TRHDE: variants seen among roughly 807,000 people sequenced by gnomAD.
TRHDE encodes thyrotropin releasing hormone degrading enzyme, also known as thyrotropin-releasing hormone-degrading ectoenzyme.
TRHDE carries 72 observed loss-of-function variants against 125.7 expected under a neutral mutation model. The ratio of observed to expected loss-of-function variants is 0.57; its 90% CI spans 0.47 to 0.70. TRHDE has a LOEUF of 0.70. Among genes scored for constraint, TRHDE ranks in the 30% least tolerant of loss-of-function variants. The pLI, the probability that TRHDE is intolerant of heterozygous loss-of-function variation, is 0.00. For synonymous variants in TRHDE, 509 were observed against 509.1 expected (o/e 1.00, Z 0.00); for missense variants, 1,110 against 1,327.1 (o/e 0.84, Z 2.54).
intron 3 of TRHDE, among the ~76,000 whole-genome samples, chr12:72,462,782 T>C (rs1876185130): frequency 6.6e-6 from 1 of 152,186 alleles, no homozygotes; most frequent in Admixed American, 6.5e-5. Context: ...ATAGCCCCAA[T>C]TGCAGTCTCA....
At chr12:72,376,127 A>G (rs1565718627) in intron 2 of TRHDE, among the ~76,000 whole-genome samples, 1 of 152,166 alleles carries the variant, frequency 6.6e-6, no homozygotes, top group Non-Finnish European at 1.5e-5. Context: ...GTGCAAGAGT[A>G]TGGAAGTCTA....
chr12:72,621,640 C>T lies in TRHDE; in HGVS notation c.2568-4C>T, dbSNP rs1290006465. The T allele has an allele frequency of 1.9e-6, 3 of 1,597,224 alleles. No homozygotes were observed. Among genetic ancestry groups the T allele is most frequent in the Middle Eastern group, 1.7e-4 (1 of 5,970 alleles). On this transcript the variant is annotated splice_polypyrimidine_tract_variant and splice_region_variant and intron_variant, in intron 14 of 18. Coordinates refer to ENST00000261180, the MANE Select transcript of TRHDE (RefSeq NM_013381.3). ...TAATTTGTTTCCCTTTTGATGATAT[C>T]TAGAGAACTACGTAGAGAAGTTATA...
chr12:72,219,624 A>G (rs1877963264), intron 2 of TRHDE, among the ~76,000 whole-genome samples: 1 of 152,172 alleles, frequency 6.6e-6, no homozygotes, highest in East Asian at 1.9e-4. Context: ...GAAACTGCAT[A>G]GACAAAAACA....
At chr12:72,548,726 G>A (rs1869538238) in intron 7 of TRHDE, among the ~76,000 whole-genome samples, 1 of 151,300 alleles carries the variant, frequency 6.6e-6, no homozygotes, top group Admixed American at 6.6e-5. Context: ...ACATAAAATT[G>A]ATTGGCTAGG....
intron 2 of TRHDE, among the ~76,000 whole-genome samples, chr12:72,327,804 A>G (rs1412063631): frequency 2.2e-4 from 33 of 151,824 alleles, no homozygotes; most frequent in Admixed American, 2.2e-3. Context: ...ATTTGATTAC[A>G]TATCAGACTG....
chr12:72,635,224 G>C (rs2136091145), intron 15 of TRHDE, among the ~76,000 whole-genome samples: 1 of 152,148 alleles, frequency 6.6e-6, no homozygotes, highest in Non-Finnish European at 1.5e-5. Flanking sequence ...TCTCATTGTG[G>C]TTTTGATTTG....
rs201570407 is a variant in TRHDE, at chr12:72,272,893, C to A, written c.250C>A (p.Arg84=). The A allele has an allele frequency of 3.9e-5, 61 of 1,579,720 alleles. No homozygotes were observed. The East Asian group carries it at 1.3e-3, about 34-fold the overall frequency. Residue 84 remains arginine, a synonymous_variant, in exon 1 of 19, where the codon CGG becomes AGG. Coordinates refer to ENST00000261180, the MANE Select transcript of TRHDE (RefSeq NM_013381.3). The surrounding 1 kb of genome is among the most constrained non-coding windows in gnomAD (Gnocchi z 6.7). ...TTERHIAVHK[R]LVLAFAVSLV... ...GGAGCGCCACATCGCCGTACACAAG[C>A]GGCTTGTGCTGGCCTTCGCTGTGTC...
At chr12:72,545,571 G>A (rs1454804801) in intron 7 of TRHDE, among the ~76,000 whole-genome samples, 1 of 151,544 alleles carries the variant, frequency 6.6e-6, no homozygotes, top group African/African-American at 2.4e-5. Flanking sequence ...ATGCAAGAGT[G>A]AGTGACTCCC....
intron 2 of TRHDE, among the ~76,000 whole-genome samples, chr12:72,246,212 GAAAA>G (rs1383490595): frequency 6.6e-6 from 1 of 150,966 alleles, no homozygotes; most frequent in Non-Finnish European, 1.5e-5. Context: ...AGATAACAAT[GAAAA>G]AAAATTTCCC....
At chr12:72,602,268 G>A (rs192192409) in intron 12 of TRHDE, among the ~76,000 whole-genome samples, 30 of 152,052 alleles carry the variant, frequency 2.0e-4, no homozygotes, top group Non-Finnish European at 4.4e-4. Context: ...GTGAGAGGGA[G>A]AGAAAAAAAC....
chr12:72,575,627 T>A, intron 12 of TRHDE, 85 bp downstream of exon 12: 1 of 1,235,740 alleles, frequency 8.1e-7, no homozygotes, highest in Non-Finnish European at 1.2e-6. Context: ...ATATGTCTTT[T>A]ATTTAGGACA....
chr12:72,158,376 A>G (rs1000178521), intron 2 of TRHDE, among the ~76,000 whole-genome samples: 1 of 151,448 alleles, frequency 6.6e-6, no homozygotes, highest in African/African-American at 2.4e-5. Flanking sequence ...TCATATGTGT[A>G]TATATTATAT....
intron 1 of TRHDE, among the ~76,000 whole-genome samples, chr12:72,092,745 T>C (rs1874821978): frequency 6.6e-6 from 1 of 152,230 alleles, no homozygotes; most frequent in Non-Finnish European, 1.5e-5. Flanking sequence ...ATGCATGTAC[T>C]AAGAATGGGA....
chr12:72,190,439 T>G (rs1158061549), intron 2 of TRHDE, among the ~76,000 whole-genome samples: 1 of 152,208 alleles, frequency 6.6e-6, no homozygotes, highest in African/African-American at 2.4e-5. Context: ...AGGTGGAAAT[T>G]TGAATGGTAT....
At chr12:72,383,902 G>T (rs1872301920) in intron 3 of TRHDE, among the ~76,000 whole-genome samples, 1 of 152,020 alleles carries the variant, frequency 6.6e-6, no homozygotes. Flanking sequence ...TCAAAATATA[G>T]CTTGCCTTAT....
At chr12:72,389,342 T>C (rs1872544022) in intron 3 of TRHDE, among the ~76,000 whole-genome samples, 1 of 152,070 alleles carries the variant, frequency 6.6e-6, no homozygotes, top group Middle Eastern at 3.2e-3. Flanking sequence ...GAGGGTGAAA[T>C]GAAATCTTTG....
At chr12:72,235,292 C>T (rs935881801) in intron 2 of TRHDE, among the ~76,000 whole-genome samples, 5 of 151,942 alleles carry the variant, frequency 3.3e-5, no homozygotes, top group African/African-American at 9.7e-5. Context: ...TGCTATGTAC[C>T]GGCACTGTTC....
At chr12:72,498,059 A>G (rs1877994247) in intron 5 of TRHDE, among the ~76,000 whole-genome samples, 1 of 152,170 alleles carries the variant, frequency 6.6e-6, no homozygotes, top group Admixed American at 6.6e-5. Flanking sequence ...TCATTACCAT[A>G]TAATCCTCTT....
At chr12:72,389,885 G>T (rs560231115) in intron 3 of TRHDE, among the ~76,000 whole-genome samples, 1 of 152,156 alleles carries the variant, frequency 6.6e-6, no homozygotes, top group African/African-American at 2.4e-5. Flanking sequence ...AAAGCAGAGA[G>T]GAGCTACTGC....
Sources: gnomAD v4.1 joint callset for allele counts (sites outside exome capture counted in the v4.1 genomes callset) on GRCh38, gnomAD v4.1.1 for gene constraint, Gnocchi (gnomAD v3.1) non-coding constraint, MANE v1.5 for transcripts, NCBI Gene and HGNC (gene_info 2026-07-23, HGNC 2026-07-21) for gene names.